The following OSBPL8 variants were observed in gnomAD, a reference collection of about 807,000 sequenced individuals.
OSBPL8 encodes the protein oxysterol binding protein like 8.
Under a neutral mutation model 125.5 loss-of-function variants are expected in OSBPL8, and 59 were observed. That is an observed-to-expected ratio of 0.47 (90% confidence interval 0.38 to 0.58). The LOEUF is 0.58. OSBPL8 is among the 20% of genes least tolerant of loss of function. The probability of loss-of-function intolerance (pLI) is 0.00; values close to 1 mark genes in which losing one functional copy is unlikely to be tolerated. For missense variants in OSBPL8, 758 were observed against 1,047.8 expected (o/e 0.72, Z 3.82); for synonymous variants, 330 against 338.9 (o/e 0.97, Z 0.29).
At chr12:76,358,679 T>C (rs1952085266) in intron 22 of OSBPL8, 27 bp downstream of exon 22, 2 of 1,522,434 alleles carry the variant, frequency 1.3e-6, no homozygotes, top group East Asian at 2.2e-5. Context: ...AGTTAGACTC[T>C]CATTAGTCTG....
intron 14 of OSBPL8, among the ~76,000 whole-genome samples, chr12:76,385,810 G>C (rs1015447784): frequency 6.6e-6 from 1 of 151,650 alleles, no homozygotes; most frequent in Non-Finnish European, 1.5e-5. Context: ...AAGATATAAA[G>C]GACTTTGAAT....
intron 2 of OSBPL8, among the ~76,000 whole-genome samples, chr12:76,478,620 T>C (rs752239848): frequency 6.6e-6 from 1 of 151,328 alleles, no homozygotes; most frequent in Non-Finnish European, 1.5e-5. Flanking sequence ...AGAATAACCA[T>C]CTAATAAGGT....
intron 1 of OSBPL8, among the ~76,000 whole-genome samples, chr12:76,489,941 G>A (rs898576209): frequency 5.3e-5 from 8 of 152,234 alleles, no homozygotes; most frequent in Middle Eastern, 3.4e-3. Context: ...ACCAACATTC[G>A]CAGGAATTTG....
intron 4 of OSBPL8, among the ~76,000 whole-genome samples, chr12:76,413,371 A>G (rs904653441): frequency 1.3e-5 from 2 of 152,218 alleles, no homozygotes; most frequent in East Asian, 3.8e-4. Context: ...TTAGAACCCT[A>G]CTGCATGACT....
In OSBPL8 at chr12:76,548,425, T is replaced by A. The variant is rs538922834; in HGVS notation, c.-68+10972A>T. Among the ~76,000 whole-genome samples the A allele has an allele frequency of 7.9e-5, 12 of 152,188 alleles. No individual in the cohort carries two copies. The East Asian group carries it at 2.1e-3, about 27-fold the overall frequency. On this transcript the variant is annotated intron_variant, in intron 1 of 23. Coordinates refer to ENST00000261183, the MANE Select transcript of OSBPL8 (RefSeq NM_020841.5). The stretch of plus-strand genomic sequence containing the variant: ...TGGAAATAAATAGTAGGGTTAAAAA[T>A]AAGAGAACTGAGTATTACTTGACTA...
intron 3 of OSBPL8, among the ~76,000 whole-genome samples, chr12:76,457,244 G>A: frequency 6.6e-6 from 1 of 152,134 alleles, no homozygotes; most frequent in Non-Finnish European, 1.5e-5. Context: ...GTATGTACTA[G>A]TTAATGTTAT....
intron 1 of OSBPL8, among the ~76,000 whole-genome samples, chr12:76,554,715 A>G (rs1373696533): frequency 1.3e-5 from 2 of 152,234 alleles, no homozygotes; most frequent in African/African-American, 4.8e-5. Context: ...CAAGTTTTCA[A>G]AAACTCTAAA....
chr12:76,484,280 CTTGCTCAT>C (rs1877887473), intron 2 of OSBPL8, among the ~76,000 whole-genome samples: 1 of 152,054 alleles, frequency 6.6e-6, no homozygotes, highest in Admixed American at 6.6e-5. Context: ...GCATGGTTTC[CTTGCTCAT>C]TTTCAATCCT....
In OSBPL8 at chr12:76,392,621, A is replaced by C; in HGVS notation, c.889T>G (p.Leu297Val). 6.2e-7 allele frequency: 1 copy of C among 1,613,938 alleles called. No homozygotes were observed. Among genetic ancestry groups the C allele is most frequent in the Non-Finnish European group, 8.5e-7 (1 of 1,179,822 alleles). The change falls in exon 10 of 24, where the codon TTA becomes GTA. Residue 297 changes from leucine to valine, a missense_variant. Coordinates refer to ENST00000261183, the MANE Select transcript of OSBPL8 (RefSeq NM_020841.5). ...SDSTHVTFYG[L>V]LRANNLHSGD... ...CTGTGGAGATTGTTAGCACGTAGTA[A>C]GCCATAGAAAGTCACATGTGTGCTA...
chr12:76,506,121 G>C (rs150623804), intron 1 of OSBPL8, among the ~76,000 whole-genome samples: 168 of 152,302 alleles, frequency 1.1e-3, no homozygotes, highest in African/African-American at 3.9e-3. Flanking sequence ...CAGATATAAG[G>C]TGTAAATTTT....
chr12:76,487,745 A>C lies in OSBPL8; in HGVS notation c.-67-127T>G, dbSNP rs1878307955. On this transcript the variant is annotated intron_variant, in intron 1 of 23. Transcript: ENST00000261183. ...GTTATTTGGAAATTCAATAATTAAA[A>C]AAAAAATTGACATGGGCTTGAAGAA... The C allele has an allele frequency of 1.7e-5, 7 of 414,428 alleles. No homozygotes were observed. The South Asian group carries it at 6.3e-4, about 38-fold the overall frequency. The allele number at this position is 414,428 out of a possible 1,614,324, so 25.7% of individuals were successfully genotyped here.
intron 2 of OSBPL8, among the ~76,000 whole-genome samples, chr12:76,476,484 A>G (rs1876823670): frequency 6.6e-6 from 1 of 152,312 alleles, no homozygotes; most frequent in African/African-American, 2.4e-5. Flanking sequence ...ACTGGGTATA[A>G]AAATATTATA....
At chr12:76,434,350 A>T (rs1437883558) in intron 4 of OSBPL8, among the ~76,000 whole-genome samples, 1 of 152,206 alleles carries the variant, frequency 6.6e-6, no homozygotes, top group Admixed American at 6.5e-5. Flanking sequence ...TGCAGAAATC[A>T]ACTCAAAATG....
rs1951933871 is a variant in OSBPL8, at chr12:76,355,076, G to C, written c.*813C>G. The C allele has an allele frequency of 6.6e-6, 1 of 152,308 alleles. No individual in the cohort carries two copies. Among genetic ancestry groups the C allele is most frequent in the Non-Finnish European group, 1.5e-5 (1 of 67,874 alleles). The allele number at this position is 152,308 out of a possible 1,614,324, so 9.4% of individuals were successfully genotyped here. On this transcript the variant is annotated 3_prime_UTR_variant, in exon 24 of 24. Transcript: ENST00000261183. ...ATTTGGCCTATGTTATGAACCAGCT[G>C]ACTTAAGAAAAACAAAAATAAGACA...
chr12:76,520,110 C>T (rs896929394), intron 1 of OSBPL8, among the ~76,000 whole-genome samples: 1 of 152,022 alleles, frequency 6.6e-6, no homozygotes, highest in Non-Finnish European at 1.5e-5. Context: ...GCTACAAAAC[C>T]CAAAATAATG....
Position 76,373,410 on chromosome 12 carries a change from A to C in OSBPL8, c.1851T>G (p.Cys617Trp), listed in dbSNP as rs761467757. The change falls in exon 18 of 24, where the codon TGT (cysteine) becomes TGG (tryptophan). Residue 617 changes from cysteine (C) to tryptophan (W), a missense_variant. Around this residue, in one of 3 missense-constraint regions of OSBPL8, gnomAD observed 572 missense variants for 762.0 expected, o/e 0.75. Transcript: ENST00000261183. The part of the protein sequence containing the change: ...KLKPFLGSSD[C>W]VNQISGKLKL... Reference sequence around the variant, plus strand: ...TAAGTTTCCCTGATATTTGATTAACACAGTCACTACTCCCTAGGAATGGCT... The same window carrying C: ...TAAGTTTCCCTGATATTTGATTAACCCAGTCACTACTCCCTAGGAATGGCT... 142 of 1,607,938 alleles carry C rather than the reference A, an allele frequency of 8.8e-5. No individual in the cohort carries two copies. The highest frequency in any genetic ancestry group is 1.2e-4 in the Non-Finnish European group (136 of 1,175,926).
chr12:76,505,166 G>GT (rs1880291107), intron 1 of OSBPL8, among the ~76,000 whole-genome samples: 2 of 152,096 alleles, frequency 1.3e-5, no homozygotes, highest in South Asian at 4.1e-4. Flanking sequence ...ATTTCCCTGT[G>GT]TTGATAAATT....
chr12:76,437,320 AT>A (rs914191230), intron 4 of OSBPL8, among the ~76,000 whole-genome samples: 3 of 152,048 alleles, frequency 2.0e-5, no homozygotes, highest in African/African-American at 7.2e-5. Context: ...GACTTGAAAA[AT>A]TTTTTTGATG....
intron 1 of OSBPL8, among the ~76,000 whole-genome samples, chr12:76,498,254 G>C (rs1203836530): frequency 6.6e-6 from 1 of 152,122 alleles, no homozygotes; most frequent in Non-Finnish European, 1.5e-5. Flanking sequence ...ATAAAGAAGA[G>C]GTCACACAAT....
Sources: allele counts gnomAD v4.1 joint callset (sites outside exome capture counted in the v4.1 genomes callset), GRCh38; gene constraint gnomAD v4.1.1; regional missense constraint gnomAD v4.1.1; transcripts MANE v1.5; gene names NCBI Gene and HGNC (gene_info 2026-07-23, HGNC 2026-07-21).